The following NUMB variants were observed in gnomAD, a reference collection of about 807,000 sequenced individuals.
NUMB encodes protein numb homolog.
A neutral mutation model predicts 59.7 loss-of-function variants in NUMB; 29 were observed. The ratio of observed to expected loss-of-function variants is 0.49; its 90% CI spans 0.36 to 0.66. The LOEUF (loss-of-function observed/expected upper bound fraction) is 0.66, where lower values mean the gene tolerates loss of function less well. NUMB is among the 30% of genes least tolerant of loss of function. The probability of loss-of-function intolerance (pLI) is 0.00; values close to 1 mark genes in which losing one functional copy is unlikely to be tolerated. For missense variants in NUMB, 723 were observed against 822.0 expected, an observed-to-expected ratio of 0.88 and a Z score of 1.47; for synonymous variants, 288 against 288.2, an observed-to-expected ratio of 1.00 and a Z score of 0.01.
chr14:73,303,809 G>A (rs991441873), intron 6 of NUMB, among the ~76,000 whole-genome samples: 16 of 151,774 alleles, frequency 1.1e-4, no homozygotes, highest in African/African-American at 3.4e-4. Context: ...AAAGAAAACC[G>A]ATCTAACATG....
chr14:73,408,371 C>T (rs2140129954), intron 2 of NUMB, among the ~76,000 whole-genome samples: 1 of 152,140 alleles, frequency 6.6e-6, no homozygotes, highest in East Asian at 1.9e-4. Flanking sequence ...TATTGGCACT[C>T]AGTCCTCAAA....
chr14:73,337,433 T>A, intron 4 of NUMB, among the ~76,000 whole-genome samples: 1 of 152,130 alleles, frequency 6.6e-6, no homozygotes, highest in East Asian at 1.9e-4. Flanking sequence ...ACCTGGGAGA[T>A]GGAGGTTGCA....
chr14:73,283,767 G>A (rs925779526), intron 10 of NUMB, among the ~76,000 whole-genome samples: 2 of 152,186 alleles, frequency 1.3e-5, no homozygotes, highest in African/African-American at 2.4e-5. Context: ...AGAAACTTGA[G>A]ACCCTTGATG....
intron 2 of NUMB, among the ~76,000 whole-genome samples, chr14:73,395,037 TTGTGTGTGTGTGTG>T (rs3028731): frequency 0.02 from 2,351 of 119,948 alleles, 65 homozygotes; most frequent in South Asian, 0.13. Flanking sequence ...ATTCGTGTGT[TTGTGTGTGTGTGTG>T]TGTGTGTGTG....
At chr14:73,292,937 C>G in intron 7 of NUMB, 63 bp from the exon 8 acceptor site, 1 of 1,516,220 alleles carries the variant, frequency 6.6e-7, no homozygotes, top group Non-Finnish European at 9.1e-7. Context: ...TCTCAGAACA[C>G]AGGATGTTCA....
intron 1 of NUMB, among the ~76,000 whole-genome samples, chr14:73,449,292 T>C (rs1443988560): frequency 1.3e-5 from 2 of 152,162 alleles, no homozygotes; most frequent in Non-Finnish European, 2.9e-5. Context: ...CTATGGATTT[T>C]GGTATATTGG....
chr14:73,396,582 C>T lies in NUMB; in HGVS notation c.-101+13355G>A, dbSNP rs181482476. ...ACGAGGCCTTGCTATGTTACCTGGG[C>T]TGGTCTCAAACTCCTGAGCTCAACT... On this transcript the variant is annotated intron_variant, in intron 2 of 12. Transcript: ENST00000555238. Among the ~76,000 whole-genome samples, 3 of 152,028 alleles carry T rather than the reference C, an allele frequency of 2.0e-5. No individual in the cohort carries two copies. In the East Asian group the frequency reaches 5.8e-4, roughly 29 times the overall value.
chr14:73,275,542 T>A lies in NUMB; in HGVS notation c.*1036A>T, dbSNP rs1888095849. 1.3e-5 allele frequency: 2 copies of A among 152,148 alleles called. No homozygotes were observed. The highest frequency in any genetic ancestry group is 4.8e-5 in the African/African-American group (2 of 41,440). 9.4% of individuals were successfully genotyped at this position (152,148 alleles called of 1,614,324 possible). On this transcript the variant is annotated 3_prime_UTR_variant, in exon 13 of 13. Coordinates refer to ENST00000555238, the MANE Select transcript of NUMB (RefSeq NM_001005743.2). ...TGGTAACCTGTGTTCCCTTCTATGGTATGATTATGTCATGTTACCTTAGTG... is the reference window on the plus strand; with the variant it reads ...TGGTAACCTGTGTTCCCTTCTATGGAATGATTATGTCATGTTACCTTAGTG...
intron 3 of NUMB, among the ~76,000 whole-genome samples, chr14:73,364,278 C>A (rs1002629262): frequency 6.6e-6 from 1 of 151,822 alleles, no homozygotes; most frequent in Admixed American, 6.6e-5. Context: ...TAACTTGAGG[C>A]GGATAACCTG....
intron 12 of NUMB, 130 bp downstream of exon 12, chr14:73,279,151 T>C: frequency 1.0e-6 from 1 of 1,002,068 alleles, no homozygotes; most frequent in Non-Finnish European, 1.5e-6. Flanking sequence ...AAGCAACTTA[T>C]TTCTAGGAGG....
intron 2 of NUMB, among the ~76,000 whole-genome samples, chr14:73,408,117 C>T (rs899581605): frequency 6.6e-6 from 1 of 151,996 alleles, no homozygotes; most frequent in Non-Finnish European, 1.5e-5. Flanking sequence ...GTCCCAGCTA[C>T]TCGGGAGGCT....
At chr14:73,286,731 G>C in intron 9 of NUMB, 2 of 263,008 alleles carry the variant, frequency 7.6e-6, no homozygotes, top group South Asian at 9.6e-5. Flanking sequence ...TGGATGCTTT[G>C]CAGCCTTAAG....
At chr14:73,382,233 G>A (rs1034319250) in intron 2 of NUMB, among the ~76,000 whole-genome samples, 6 of 152,222 alleles carry the variant, frequency 3.9e-5, no homozygotes, top group African/African-American at 9.6e-5. Context: ...TGCAACCTCC[G>A]CCTCCTGGGT....
chr14:73,408,877 C>CAA lies in NUMB; in HGVS notation c.-101+1058_-101+1059dup, dbSNP rs368923818. ...GGGCAACAAGAGCAAAACTCCTTCT[C>CAA]AAAAAAAAAAAAAAAGAAAGAAAGA... On this transcript the variant is annotated intron_variant, in intron 2 of 12. Coordinates refer to ENST00000555238, the MANE Select transcript of NUMB (RefSeq NM_001005743.2). 1.3e-3 allele frequency among the ~76,000 whole-genome samples: 161 copies of CAA among 125,140 alleles called. 1 individual carries two copies. The highest frequency in any genetic ancestry group is 4.2e-3 in the African/African-American group (141 of 33,434). 82.1% of individuals were successfully genotyped at this position (125,140 alleles called of 152,430 possible).
At chr14:73,413,886 C>T (rs1359879265) in intron 1 of NUMB, among the ~76,000 whole-genome samples, 1 of 151,894 alleles carries the variant, frequency 6.6e-6, no homozygotes, top group Non-Finnish European at 1.5e-5. Flanking sequence ...CAAACCAATG[C>T]AGTATTATAA....
At chr14:73,443,804 C>G (rs981874641) in intron 1 of NUMB, among the ~76,000 whole-genome samples, 4 of 151,998 alleles carry the variant, frequency 2.6e-5, no homozygotes, top group Non-Finnish European at 4.4e-5. Context: ...ACGCCCACCA[C>G]CAAGCCCAGC....
At position 73,279,263 on chromosome 14, in the gene NUMB, C is replaced by T; in HGVS notation, c.1240+18G>A. 3.1e-6 allele frequency: 5 copies of T among 1,614,090 alleles called. No individual in the cohort carries two copies. The highest frequency in any genetic ancestry group is 4.2e-6 in the Non-Finnish European group (5 of 1,179,962). On this transcript the variant is annotated intron_variant, in intron 12 of 12. Transcript: ENST00000555238. ...TATCTGATCCCAGAATCCTCAACAC[C>T]ATCTGTGGCCACCTTACCCGAACAT...
At chr14:73,450,957 G>T (rs1883892709) in intron 1 of NUMB, among the ~76,000 whole-genome samples, 1 of 152,000 alleles carries the variant, frequency 6.6e-6, no homozygotes, top group East Asian at 1.9e-4. Context: ...TTCAAGACTA[G>T]CCTGAGCAAC....
Position 73,323,575 on chromosome 14 carries a change from C to A in NUMB, c.127-371G>T, listed in dbSNP as rs561230975. ...ACTGGATCTGAAGCATAATAGCCTG[C>A]GCTAGACACAGTTACTATGTCTCTA... On this transcript the variant is annotated intron_variant, in intron 4 of 12. Coordinates refer to ENST00000555238, the MANE Select transcript of NUMB (RefSeq NM_001005743.2). 8.5e-4 allele frequency among the ~76,000 whole-genome samples: 130 copies of A among 152,264 alleles called. 2 individuals are homozygous for A. Among genetic ancestry groups the A allele is most frequent in the African/African-American group, 3.0e-3 (126 of 41,556 alleles).
Sources: allele counts gnomAD v4.1 joint callset (sites outside exome capture counted in the v4.1 genomes callset), GRCh38; gene constraint gnomAD v4.1.1; transcripts MANE v1.5; gene names NCBI Gene and HGNC (gene_info 2026-07-23, HGNC 2026-07-21).